The following SMCO1 variants were observed in gnomAD, a reference collection of about 807,000 sequenced individuals.
The protein encoded by SMCO1 is single-pass membrane and coiled-coil domain-containing protein 1.
In SMCO1, 9 loss-of-function variants were observed where a neutral mutation model predicts 7.5. The ratio of observed to expected loss-of-function variants is 1.20; its 90% CI spans 0.72 to 2.09. The LOEUF (loss-of-function observed/expected upper bound fraction) is 2.09. Among genes scored for constraint, SMCO1 ranks in the 30% most tolerant of loss-of-function variants. SMCO1 has a pLI of 0.00. For missense variants in SMCO1, 219 were observed against 253.1 expected (o/e 0.87, Z 0.91); for synonymous variants, 90 against 93.8 (o/e 0.96, Z 0.23).
rs767759303 is a variant in SMCO1 at position 196,515,070 on chromosome 3, A to C, written c.50+90T>G. 3 of 1,428,670 alleles carry C rather than the reference A, an allele frequency of 2.1e-6. No homozygotes were observed. In the African/African-American group the frequency reaches 4.2e-5, roughly 20 times the overall value. 88.5% of individuals were successfully genotyped at this position (1,428,670 alleles called of 1,614,324 possible). A position where few individuals can be genotyped will look rare whatever the true frequency, so the allele number is the denominator to read the frequency against. ...ACAGAATTCTAATGAGCATGTCTGC[A>C]GTTCTTTATTTCTATTCTTCATTCT... is the stretch of plus-strand genomic sequence containing the variant. On this transcript the variant is annotated intron_variant, in intron 1 of 2. Coordinates refer to ENST00000397537, the MANE Select transcript of SMCO1 (RefSeq NM_001077657.3).
At chr3:196,509,417 A>T (rs899585361) in intron 2 of SMCO1, 103 bp downstream of exon 2, 15 of 1,002,514 alleles carry the variant, frequency 1.5e-5, no homozygotes. Flanking sequence ...TAATTGCTTT[A>T]CAATCCATTG....
At chr3:196,511,898 A>G (rs1380025305) in intron 1 of SMCO1, among the ~76,000 whole-genome samples, 4 of 98,916 alleles carry the variant, frequency 4.0e-5, no homozygotes, top group Admixed American at 3.0e-4. Context: ...GCCTGCGCCA[A>G]GTAGATTGTT....
chr3:196,509,785 T>C, intron 1 of SMCO1, 116 bp from the exon 2 acceptor site: 1 of 852,348 alleles, frequency 1.2e-6, no homozygotes, highest in East Asian at 2.7e-5. Context: ...GATAACTTTT[T>C]TTTTTTTACT....
upstream of SMCO1, chr3:196,515,417 G>A (rs549292218): frequency 2.0e-3 from 1,136 of 556,452 alleles, no homozygotes; most frequent in Non-Finnish European, 3.0e-3. Flanking sequence ...AACTTATCTC[G>A]TGGACACAGG....
chr3:196,518,503 C>T (rs560399124), upstream of SMCO1, among the ~76,000 whole-genome samples: 183 of 152,190 alleles, frequency 1.2e-3, 1 homozygote, highest in African/African-American at 3.3e-3. Flanking sequence ...TTAGTAGAGA[C>T]GGGGTTTCGC....
At position 196,507,502 on chromosome 3, in the gene SMCO1, CTT is replaced by C. The variant is rs1401934326; in HGVS notation, c.*383_*384del. On this transcript the variant is annotated 3_prime_UTR_variant, in exon 3 of 3. Coordinates refer to ENST00000397537, the MANE Select transcript of SMCO1 (RefSeq NM_001077657.3). ...TCCTCTTGTCTTTGACCCCTAGCCT[CTT>C]AGCTTTCTTTCCTGACAACTAATGT... 6.6e-6 allele frequency: 1 copy of C among 152,330 alleles called. No homozygotes were observed. The highest frequency in any genetic ancestry group is 2.4e-5 in the African/African-American group (1 of 41,422). 9.4% of individuals were successfully genotyped at this position (152,330 alleles called of 1,614,324 possible).
At chr3:196,519,453 C>A (rs969990693), upstream of SMCO1, among the ~76,000 whole-genome samples, 2 of 152,202 alleles carry the variant, frequency 1.3e-5, no homozygotes, top group African/African-American at 4.8e-5. Context: ...GAAAATTCTG[C>A]CCCAACAATT....
At chr3:196,511,849 C>T (rs951841663) in intron 1 of SMCO1, among the ~76,000 whole-genome samples, 1 of 125,434 alleles carries the variant, frequency 8.0e-6, no homozygotes, top group African/African-American at 4.3e-5. Context: ...TGAGGGAAAC[C>T]TGCCTGGGCT....
At chr3:196,515,957 C>A (rs1277707889), upstream of SMCO1, among the ~76,000 whole-genome samples, 2 of 112,446 alleles carry the variant, frequency 1.8e-5, no homozygotes, top group Admixed American at 2.1e-4. Flanking sequence ...TATGATCATG[C>A]CACTGCACTC....
chr3:196,509,095 G>A (rs1733141408), intron 2 of SMCO1, among the ~76,000 whole-genome samples: 1 of 151,190 alleles, frequency 6.6e-6, no homozygotes, highest in Admixed American at 6.6e-5. Context: ...TGTCACCCAG[G>A]CTGGAGTGCA....
At chr3:196,515,373 T>A, upstream of SMCO1, 1 of 602,040 alleles carries the variant, frequency 1.7e-6, no homozygotes, top group Non-Finnish European at 3.0e-6. Context: ...CAAGAAGCTT[T>A]TAATAGCCTG....
Position 196,507,911 on chromosome 3 carries a change from C to G in SMCO1, c.621G>C (p.Glu207Asp). The G allele has an allele frequency of 6.2e-7, 1 of 1,612,598 alleles. No individual in the cohort carries two copies. The highest frequency in any genetic ancestry group is 8.5e-7 in the Non-Finnish European group (1 of 1,179,162). Residue 207 changes from glutamate (E) to aspartate (D), a missense_variant, in exon 3 of 3, where the codon GAG becomes GAC. Coordinates refer to ENST00000397537, the MANE Select transcript of SMCO1 (RefSeq NM_001077657.3). Reference sequence around the variant, plus strand: ...GTTAGTTTTTGACAGATGGTATCAACTCTTCGAGGGATGACTTTTGCTTTT... The same window carrying G: ...GTTAGTTTTTGACAGATGGTATCAAGTCTTCGAGGGATGACTTTTGCTTTT... The part of the protein sequence containing the change: ...TPEKQKSSLE[E>D]LIPSVKN
chr3:196,518,931 A>G (rs1733443232), upstream of SMCO1, among the ~76,000 whole-genome samples: 1 of 152,144 alleles, frequency 6.6e-6, no homozygotes, highest in Non-Finnish European at 1.5e-5. Flanking sequence ...CTTCCTTTCA[A>G]CAAGGAAACC....
At chr3:196,516,529 T>G (rs574029416), upstream of SMCO1, among the ~76,000 whole-genome samples, 2 of 152,224 alleles carry the variant, frequency 1.3e-5, no homozygotes, top group Admixed American at 1.3e-4. Context: ...CCATTTAAAC[T>G]GGTAAGAGCC....
rs1722554923 is a variant in SMCO1, at chr3:196,508,130, T to C, written c.402A>G (p.Gly134=). The change falls in exon 3 of 3, where the codon GGA becomes GGG. Residue 134 remains glycine, a synonymous_variant. Coordinates refer to ENST00000397537, the MANE Select transcript of SMCO1 (RefSeq NM_001077657.3). The part of the protein sequence containing the change: ...SILEECGLQE[G]DITALCTFFI... Reference sequence around the variant, plus strand: ...AGAAGGTACAAAGTGCTGTGATGTCTCCTTCTTGCAGCCCACACTCCTCCA... The same window carrying C: ...AGAAGGTACAAAGTGCTGTGATGTCCCCTTCTTGCAGCCCACACTCCTCCA... 1.9e-6 allele frequency: 3 copies of C among 1,614,108 alleles called. No individual in the cohort carries two copies. Among genetic ancestry groups the C allele is most frequent in the Non-Finnish European group, 1.7e-6 (2 of 1,179,966 alleles).
rs749575279 is a variant in SMCO1 at position 196,507,950 on chromosome 3, T to C, written c.582A>G (p.Ala194=). The change falls in exon 3 of 3, where the codon GCA becomes GCG. Residue 194 remains alanine (A), a synonymous_variant. Transcript: ENST00000397537. ...ACTTTTGCTTTTCAGGGGTCCTAAC[T>C]GCTTTCCCCTTCTCAATTACCTGCA... ...RAVQVIEKGK[A]VRTPEKQKSS... The C allele has an allele frequency of 9.9e-6, 16 of 1,614,074 alleles. No homozygotes were observed. The highest frequency in any genetic ancestry group is 1.4e-5 in the Non-Finnish European group (16 of 1,180,042).
Position 196,508,040 on chromosome 3 carries a change from A to G in SMCO1, c.492T>C (p.Asp164=), listed in dbSNP as rs1162657956. The G allele has an allele frequency of 6.2e-7, 1 of 1,614,180 alleles. No individual in the cohort carries two copies. The highest frequency in any genetic ancestry group is 1.3e-5 in the African/African-American group (1 of 75,040). The part of the protein sequence containing the change: ...TAKVRQMYIR[D]VTFLITNMVK... ...CCATGTTAGTAATTAGGAACGTGAC[A>G]TCCCTGATGTACATCTGCCTCACTT... The change falls in exon 3 of 3, where the codon GAT becomes GAC. Residue 164 remains aspartate, a synonymous_variant. Coordinates refer to ENST00000397537, the MANE Select transcript of SMCO1 (RefSeq NM_001077657.3).
At chr3:196,515,065 T>C (rs552443946) in intron 1 of SMCO1, 95 bp downstream of exon 1, 69 of 1,399,824 alleles carry the variant, frequency 4.9e-5, no homozygotes, top group Admixed American at 2.4e-4. Context: ...AATGAGCATG[T>C]CTGCAGTTCT....
chr3:196,513,799 C>A (rs1241571868), intron 1 of SMCO1, among the ~76,000 whole-genome samples: 1 of 152,158 alleles, frequency 6.6e-6, no homozygotes, highest in Non-Finnish European at 1.5e-5. Context: ...ATCCTCTCAC[C>A]AAAGGACAGT....
Sources: allele counts gnomAD v4.1 joint callset (sites outside exome capture counted in the v4.1 genomes callset), GRCh38; gene constraint gnomAD v4.1.1; transcripts MANE v1.5; gene names NCBI Gene and HGNC (gene_info 2026-07-23, HGNC 2026-07-21).